The following HEATR3 variants were observed in gnomAD, a reference collection of about 807,000 sequenced individuals.
The protein encoded by HEATR3 is HEAT repeat-containing protein 3.
In HEATR3, 56 loss-of-function variants were observed where a neutral mutation model predicts 72.8. The ratio of observed to expected loss-of-function variants is 0.77; its 90% CI spans 0.62 to 0.96. The LOEUF is 0.96. HEATR3 is among the 40% of genes least tolerant of loss of function. The pLI is 0.00. For synonymous variants in HEATR3, 331 were observed against 318.1 expected, an observed-to-expected ratio of 1.04 and a Z score of -0.43; for missense variants, 747 against 831.4, an observed-to-expected ratio of 0.90 and a Z score of 1.25.
intron 7 of HEATR3, chr16:50,079,995 G>T (rs1466274349): frequency 6.6e-6 from 1 of 152,610 alleles, no homozygotes; most frequent in Non-Finnish European, 1.5e-5. Context: ...CAGAACACCT[G>T]GGGCGTCATA....
intron 12 of HEATR3, among the ~76,000 whole-genome samples, chr16:50,097,345 A>ATTTTT (rs11383881): frequency 7.9e-6 from 1 of 125,952 alleles, no homozygotes; most frequent in Non-Finnish European, 1.6e-5. Context: ...ATTAGCTATG[A>ATTTTT]TTTTTTTTTT....
At chr16:50,098,695 T>G (rs2037300516) in intron 12 of HEATR3, among the ~76,000 whole-genome samples, 1 of 151,644 alleles carries the variant, frequency 6.6e-6, no homozygotes, top group Non-Finnish European at 1.5e-5. Context: ...AAATTAAAAT[T>G]AGAGAAAAGA....
rs554478310 is a variant in HEATR3 at position 50,070,284 on chromosome 16, A to G, written c.506A>G (p.Asn169Ser). ...AATGAGACTGTGAACGTGCTGTGGA[A>G]TATATGGTAAGATGCCTACCAAACA... ...IANETVNVLWNICECSSRAVS... is the reference protein window; with the variant it reads ...IANETVNVLWSICECSSRAVS... Residue 169 changes from asparagine (N) to serine (S), a missense_variant, in exon 4 of 15, where the codon AAT (asparagine) becomes AGT (serine). This residue lies in a region of HEATR3 where 586 missense variants were observed against 708.8 expected (regional missense o/e 0.83). Transcript: ENST00000299192. The G allele has an allele frequency of 2.6e-6, 4 of 1,541,610 alleles. No homozygotes were observed. The highest frequency in any genetic ancestry group is 1.4e-5 in the African/African-American group (1 of 73,692).
intron 4 of HEATR3, among the ~76,000 whole-genome samples, chr16:50,072,392 G>T (rs1400378967): frequency 6.6e-6 from 1 of 152,196 alleles, no homozygotes; most frequent in African/African-American, 2.4e-5. Flanking sequence ...TTGATGAAAA[G>T]GTCCCATTGT....
intron 11 of HEATR3, among the ~76,000 whole-genome samples, chr16:50,093,521 G>A (rs190790750): frequency 1.4e-4 from 22 of 152,302 alleles, no homozygotes; most frequent in African/African-American, 4.6e-4. Flanking sequence ...GTGTCTAGAG[G>A]GTTGAGGCCA....
chr16:50,068,721 T>C (rs916961749), intron 2 of HEATR3, 59 bp from the exon 3 acceptor site: 62 of 1,250,048 alleles, frequency 5.0e-5, no homozygotes, highest in Middle Eastern at 3.7e-4. Context: ...TGTGAGAGGG[T>C]AGAAGTGTTC....
At position 50,106,891 on chromosome 16, in the gene HEATR3, C is replaced by G. The variant is rs1349657489; in HGVS notation, c.*1830C>G. Among the ~76,000 whole-genome samples, 1 of 152,054 alleles carries G rather than the reference C, an allele frequency of 6.6e-6. No homozygotes were observed. Among genetic ancestry groups the G allele is most frequent in the Non-Finnish European group, 1.5e-5 (1 of 68,012 alleles). On this transcript the variant is annotated 3_prime_UTR_variant, in exon 15 of 15. Coordinates refer to ENST00000299192, the MANE Select transcript of HEATR3 (RefSeq NM_182922.4). Reference sequence around the variant, plus strand: ...CCCTAAGAGTTCCTAGCCCATGGCACCAAGTAAAATAACCCAAATTGTGTA... The same window carrying G: ...CCCTAAGAGTTCCTAGCCCATGGCAGCAAGTAAAATAACCCAAATTGTGTA...
At chr16:50,101,197 A>C (rs1483180828) in intron 13 of HEATR3, among the ~76,000 whole-genome samples, 1 of 148,196 alleles carries the variant, frequency 6.7e-6, no homozygotes, top group Non-Finnish European at 1.5e-5. Context: ...GCTCACTGCA[A>C]CCTCCGCCTC....
intron 7 of HEATR3, 35 bp from the exon 8 acceptor site, chr16:50,083,902 A>C (rs759905803): frequency 3.9e-6 from 6 of 1,543,660 alleles, no homozygotes; most frequent in Non-Finnish European, 5.3e-6. Context: ...CCAACCATTG[A>C]GAGTTGGTCA....
At chr16:50,083,141 G>A (rs906104098) in intron 7 of HEATR3, among the ~76,000 whole-genome samples, 15 of 150,036 alleles carry the variant, frequency 1.0e-4, no homozygotes, top group South Asian at 6.3e-4. Flanking sequence ...CTCTAAGGGG[G>A]AAAAAAAAAG....
intron 12 of HEATR3, among the ~76,000 whole-genome samples, chr16:50,098,086 A>G (rs1191134787): frequency 2.0e-5 from 3 of 152,170 alleles, no homozygotes; most frequent in Admixed American, 2.0e-4. Context: ...TTTAGGAGAC[A>G]AAAATAGTAA....
intron 4 of HEATR3, among the ~76,000 whole-genome samples, chr16:50,072,252 T>C (rs62033028): frequency 0.077 from 11,735 of 152,196 alleles, 545 homozygotes; most frequent in Middle Eastern, 0.14. Context: ...ATGTGTGCTC[T>C]TTGATGGGCC....
At chr16:50,098,987 A>G (rs1240445734) in intron 12 of HEATR3, among the ~76,000 whole-genome samples, 1 of 151,700 alleles carries the variant, frequency 6.6e-6, no homozygotes, top group Non-Finnish European at 1.5e-5. Context: ...AAATTTTTTT[A>G]TACTTTATTT....
In HEATR3 at chr16:50,086,335, G is replaced by T; in HGVS notation, c.1494G>T (p.Leu498=). Residue 498 remains leucine (L), a synonymous_variant, in exon 11 of 15, where the codon CTG becomes CTT. Coordinates refer to ENST00000299192, the MANE Select transcript of HEATR3 (RefSeq NM_182922.4). ...CGCTTGCACAGCATCTGTCACAGCT[G>T]CTTTTTTCTCAACCAGGTATTTAGA... ...LQTLAQHLSQ[L]LFSQPDFAKH... is the part of the protein sequence containing the mutation. 3 of 1,602,172 alleles carry T rather than the reference G, an allele frequency of 1.9e-6. No homozygotes were observed. The highest frequency in any genetic ancestry group is 2.6e-6 in the Non-Finnish European group (3 of 1,174,462).
rs1193420162 is a variant in HEATR3, at chr16:50,105,300, A to T, written c.*239A>T. 1 of 390,314 alleles carries T rather than the reference A, an allele frequency of 2.6e-6. No homozygotes were observed. The highest frequency in any genetic ancestry group is 2.1e-5 in the African/African-American group (1 of 47,830). The allele number at this position is 390,314 out of a possible 1,614,324, so 24.2% of individuals were successfully genotyped here. ...GGAGTTTGAGGCCAGCCTGGCCAAC[A>T]TGGTGAAACCGCATGCATAAGCATG... On this transcript the variant is annotated 3_prime_UTR_variant, in exon 15 of 15. Coordinates refer to ENST00000299192, the MANE Select transcript of HEATR3 (RefSeq NM_182922.4).
intron 3 of HEATR3, among the ~76,000 whole-genome samples, chr16:50,069,597 C>G (rs1371097050): frequency 6.6e-6 from 1 of 152,154 alleles, no homozygotes; most frequent in Non-Finnish European, 1.5e-5. Flanking sequence ...TGCTAAACAT[C>G]CCCAAATGCA....
At chr16:50,094,849 C>T (rs779190844) in intron 12 of HEATR3, 56 bp downstream of exon 12, 3 of 927,284 alleles carry the variant, frequency 3.2e-6, no homozygotes, top group Middle Eastern at 6.2e-4. Context: ...ATTATGGAGG[C>T]AAAATTCATT....
intron 13 of HEATR3, among the ~76,000 whole-genome samples, chr16:50,101,742 C>G (rs2037369930): frequency 1.3e-5 from 2 of 152,022 alleles, no homozygotes; most frequent in Non-Finnish European, 2.9e-5. Context: ...CGATTCAGAT[C>G]AGTCCTATTT....
intron 14 of HEATR3, among the ~76,000 whole-genome samples, chr16:50,103,905 C>G (rs1007911011): frequency 6.6e-6 from 1 of 152,064 alleles, no homozygotes; most frequent in Non-Finnish European, 1.5e-5. Flanking sequence ...TGGCTCATGC[C>G]TGTCATCCCA....
Sources: allele counts gnomAD v4.1 joint callset (sites outside exome capture counted in the v4.1 genomes callset), GRCh38; gene constraint gnomAD v4.1.1; regional missense constraint gnomAD v4.1.1; transcripts MANE v1.5; gene names NCBI Gene and HGNC (gene_info 2026-07-23, HGNC 2026-07-21).